The following ITFG1 variants were observed in gnomAD, a reference collection of about 807,000 sequenced individuals.
The protein encoded by ITFG1 is integrin alpha FG-GAP repeat containing 1.
ITFG1 carries 34 observed loss-of-function variants against 81.8 expected under a neutral mutation model. That is an observed-to-expected ratio of 0.42 (90% CI 0.32 to 0.55). The LOEUF (loss-of-function observed/expected upper bound fraction) is 0.55, where lower values mean the gene tolerates loss of function less well. Among genes scored for constraint, ITFG1 ranks in the 20% least tolerant of loss-of-function variants. ITFG1 has a pLI of 0.17. For missense variants in ITFG1, 672 were observed against 755.4 expected, an observed-to-expected ratio of 0.89 and a Z score of 1.29; for synonymous variants, 285 against 270.6, an observed-to-expected ratio of 1.05 and a Z score of -0.52.
intron 6 of ITFG1, among the ~76,000 whole-genome samples, chr16:47,400,740 G>T (rs930776453): frequency 2.6e-5 from 4 of 152,020 alleles, no homozygotes; most frequent in Admixed American, 1.3e-4. Flanking sequence ...AAGCAAAGAG[G>T]TAGGGGAGGA....
At chr16:47,432,719 T>C (rs2151610979) in intron 5 of ITFG1, among the ~76,000 whole-genome samples, 1 of 152,356 alleles carries the variant, frequency 6.6e-6, no homozygotes, top group East Asian at 1.9e-4. Context: ...AGCAACTGAT[T>C]TGATTATTCT....
At chr16:47,298,797 T>C (rs1026630614) in intron 10 of ITFG1, among the ~76,000 whole-genome samples, 2 of 152,190 alleles carry the variant, frequency 1.3e-5, no homozygotes, top group African/African-American at 4.8e-5. Flanking sequence ...AGGTGGTACA[T>C]GCCAGTTAGA....
chr16:47,362,907 A>ATTTT (rs1596930485), intron 8 of ITFG1, among the ~76,000 whole-genome samples: 1 of 151,218 alleles, frequency 6.6e-6, no homozygotes, highest in African/African-American at 2.4e-5. Flanking sequence ...TTATTTATTT[A>ATTTT]TTTTTTGAGA....
chr16:47,217,777 T>C (rs1703453075), intron 14 of ITFG1, among the ~76,000 whole-genome samples: 1 of 152,018 alleles, frequency 6.6e-6, no homozygotes, highest in African/African-American at 2.4e-5. Context: ...TATAAAAAAT[T>C]AGCCGGGTGT....
At chr16:47,222,677 T>G (rs1426281081) in intron 13 of ITFG1, among the ~76,000 whole-genome samples, 1 of 152,220 alleles carries the variant, frequency 6.6e-6, no homozygotes, top group Non-Finnish European at 1.5e-5. Context: ...CCTCCCAAAG[T>G]GCTGGGATTA....
chr16:47,167,215 A>G (rs568272726), intron 14 of ITFG1, among the ~76,000 whole-genome samples: 25 of 152,282 alleles, frequency 1.6e-4, no homozygotes, highest in Admixed American at 1.6e-3. Context: ...CACTTAGCAT[A>G]ATGTTTTCAA....
intron 10 of ITFG1, among the ~76,000 whole-genome samples, chr16:47,283,818 G>A (rs1279328962): frequency 1.3e-5 from 2 of 152,152 alleles, no homozygotes; most frequent in Non-Finnish European, 2.9e-5. Flanking sequence ...TTCACTCTTG[G>A]TACCTTTCTA....
chr16:47,448,773 T>G (rs1182559244), intron 5 of ITFG1: 1 of 152,276 alleles, frequency 6.6e-6, no homozygotes, highest in East Asian at 1.9e-4. Flanking sequence ...AAATGCTCAT[T>G]ATCAATAACG....
intron 8 of ITFG1, among the ~76,000 whole-genome samples, chr16:47,331,822 C>T (rs1195512484): frequency 4.6e-5 from 7 of 152,106 alleles, no homozygotes; most frequent in Admixed American, 1.3e-4. Context: ...TTTTGTTGTA[C>T]GATCTATGAG....
intron 2 of ITFG1, among the ~76,000 whole-genome samples, chr16:47,456,968 G>A (rs1398075702): frequency 6.6e-6 from 1 of 152,002 alleles, no homozygotes; most frequent in Admixed American, 6.6e-5. Context: ...AGAAATTAAG[G>A]GTATGTACAT....
intron 10 of ITFG1, among the ~76,000 whole-genome samples, chr16:47,269,583 A>C (rs1966314993): frequency 6.6e-6 from 1 of 152,062 alleles, no homozygotes; most frequent in Non-Finnish European, 1.5e-5. Flanking sequence ...AAGATGCATA[A>C]GACCTGTACA....
Position 47,161,828 on chromosome 16 carries a change from A to G in ITFG1, c.1583T>C (p.Ile528Thr), listed in dbSNP as rs1964810286. ...GATTGCAGTCCACTCTTGTTTTCGT[A>G]TAGACTGGAAGAAGAATTTAAGAAC... ...GIPRPSGEKS[I>T]RKQEWTAIIP... The change falls in exon 16 of 18, where the codon ATA becomes ACA. Residue 528 changes from isoleucine (I) to threonine (T), a missense_variant. By Grantham distance (89) the Ile-to-Thr change is moderately conservative. This residue lies in a region of ITFG1 where 560 missense variants were observed against 625.7 expected (regional missense o/e 0.90). Transcript: ENST00000320640. The G allele has an allele frequency of 1.3e-6, 2 of 1,578,334 alleles. No individual in the cohort carries two copies. Among genetic ancestry groups the G allele is most frequent in the Non-Finnish European group, 1.7e-6 (2 of 1,147,622 alleles).
intron 8 of ITFG1, among the ~76,000 whole-genome samples, chr16:47,328,291 A>T (rs1967587673): frequency 6.6e-6 from 1 of 152,052 alleles, no homozygotes; most frequent in African/African-American, 2.4e-5. Context: ...TGGACACAGG[A>T]AGGGGAACAT....
In ITFG1 at chr16:47,393,576, T is replaced by G. The variant is rs150292881; in HGVS notation, c.656-17636A>C. The stretch of plus-strand genomic sequence containing the variant: ...CAAAACATCGTCTCTACTAAAAATA[T>G]AAAAATTAGCTGGGCGTGGTGGCAA... On this transcript the variant is annotated intron_variant, in intron 6 of 17. Coordinates refer to ENST00000320640, the MANE Select transcript of ITFG1 (RefSeq NM_030790.5). Among the ~76,000 whole-genome samples, 35 of 151,958 alleles carry G rather than the reference T, an allele frequency of 2.3e-4. No homozygotes were observed. In the East Asian group the frequency reaches 6.8e-3, roughly 29 times the overall value.
rs149310045 is a variant in ITFG1, at chr16:47,247,760, G to T, written c.1331-9752C>A. ...TTTCATAATTCTTTGATTCCAAACC[G>T]GGATCTATATTGTTATCTAGTAGTT... On this transcript the variant is annotated intron_variant, in intron 12 of 17. Coordinates refer to ENST00000320640, the MANE Select transcript of ITFG1 (RefSeq NM_030790.5). Among the ~76,000 whole-genome samples the T allele has an allele frequency of 2.9e-3, 445 of 151,956 alleles. 2 individuals carry two copies. Among genetic ancestry groups the T allele is most frequent in the Non-Finnish European group, 5.3e-3 (362 of 67,970 alleles).
In ITFG1 at chr16:47,282,190, T is replaced by C. The variant is rs537398480; in HGVS notation, c.1071-21495A>G. ...GTATGAGGGATGAGAAATTACTACATTGGTACAATATATACTACTGTACCC... is the reference window on the plus strand; with the variant it reads ...GTATGAGGGATGAGAAATTACTACACTGGTACAATATATACTACTGTACCC... On this transcript the variant is annotated intron_variant, in intron 10 of 17. Transcript: ENST00000320640. Among the ~76,000 whole-genome samples, 27 of 151,954 alleles carry C rather than the reference T, an allele frequency of 1.8e-4. No individual in the cohort carries two copies. The South Asian group carries it at 4.8e-3, about 27-fold the overall frequency.
chr16:47,201,627 C>G (rs749216877), intron 14 of ITFG1, among the ~76,000 whole-genome samples: 1 of 152,114 alleles, frequency 6.6e-6, no homozygotes, highest in African/African-American at 2.4e-5. Context: ...AAGGAGCTAG[C>G]CAGTGTGACG....
In ITFG1 at chr16:47,405,064, T is replaced by C. The variant is rs564227263; in HGVS notation, c.655+23740A>G. 5.3e-5 allele frequency among the ~76,000 whole-genome samples: 8 copies of C among 152,274 alleles called. No homozygotes were observed. In the South Asian group the frequency reaches 1.7e-3, roughly 32 times the overall value. ...TATGTCACAAATATCGTCTCCCAAT[T>C]TGTGGCTTTCCTTTCATTATATTGT... On this transcript the variant is annotated intron_variant, in intron 6 of 17. Coordinates refer to ENST00000320640, the MANE Select transcript of ITFG1 (RefSeq NM_030790.5).
intron 5 of ITFG1, among the ~76,000 whole-genome samples, chr16:47,440,168 G>A (rs1437525768): frequency 6.6e-6 from 1 of 152,112 alleles, no homozygotes; most frequent in African/African-American, 2.4e-5. Context: ...CAATACAGGA[G>A]CACCCAGATT....
Sources: allele counts gnomAD v4.1 joint callset (sites outside exome capture counted in the v4.1 genomes callset), GRCh38; gene constraint gnomAD v4.1.1; regional missense constraint gnomAD v4.1.1; transcripts MANE v1.5; gene names NCBI Gene and HGNC (gene_info 2026-07-23, HGNC 2026-07-21).